The following ANKS1B variants were observed in gnomAD, a reference collection of about 807,000 sequenced individuals.
The protein encoded by ANKS1B is ankyrin repeat and sterile alpha motif domain-containing protein 1B.
Under a neutral mutation model 148.3 loss-of-function variants are expected in ANKS1B, and 36 were observed. The observed-to-expected ratio is 0.24, with a 90% confidence interval of 0.19 to 0.32. The LOEUF is 0.32. Among genes scored for constraint, ANKS1B ranks in the 10% least tolerant of loss-of-function variants. The pLI, the probability that ANKS1B is intolerant of heterozygous loss-of-function variation, is 1.00. For missense variants in ANKS1B, 1,157 were observed against 1,542.6 expected, an observed-to-expected ratio of 0.75 and a Z score of 4.19; for synonymous variants, 542 against 560.8, an observed-to-expected ratio of 0.97 and a Z score of 0.47.
At chr12:99,513,132 A>G (rs76383473) in intron 9 of ANKS1B, among the ~76,000 whole-genome samples, 4,444 of 152,062 alleles carry the variant, frequency 0.029, 95 homozygotes, top group South Asian at 0.088. Context: ...CATTCAAATC[A>G]AGGCAAGACC....
intron 9 of ANKS1B, among the ~76,000 whole-genome samples, chr12:99,526,902 G>A (rs2096932276): frequency 6.6e-6 from 1 of 152,142 alleles, no homozygotes; most frequent in Admixed American, 6.6e-5. Context: ...GGTTATTAGG[G>A]TGGACCCCAA....
intron 1 of ANKS1B, among the ~76,000 whole-genome samples, chr12:99,826,837 T>G (rs1013445269): frequency 6.6e-6 from 1 of 152,040 alleles, no homozygotes; most frequent in Non-Finnish European, 1.5e-5. Flanking sequence ...TATGCCAGGC[T>G]CAGTGACTCA....
At chr12:99,922,354 AT>A (rs1286092238) in intron 1 of ANKS1B, among the ~76,000 whole-genome samples, 1 of 152,164 alleles carries the variant, frequency 6.6e-6, no homozygotes, top group East Asian at 1.9e-4. Context: ...CAAAGGATAC[AT>A]ATTAAATTTT....
At chr12:98,968,378 T>A (rs1023824526) in intron 17 of ANKS1B, among the ~76,000 whole-genome samples, 9 of 152,122 alleles carry the variant, frequency 5.9e-5, no homozygotes, top group African/African-American at 2.2e-4. Flanking sequence ...GACTCAGGAA[T>A]CTGTGTCTTA....
intron 20 of ANKS1B, among the ~76,000 whole-genome samples, chr12:98,805,076 CAG>C (rs1188503346): frequency 1.3e-5 from 2 of 152,092 alleles, no homozygotes; most frequent in Admixed American, 6.6e-5. Context: ...ATTATTGACA[CAG>C]TGGTCTTTGA....
At chr12:99,668,488 A>T (rs2153463648) in intron 8 of ANKS1B, among the ~76,000 whole-genome samples, 1 of 152,026 alleles carries the variant, frequency 6.6e-6, no homozygotes, top group Admixed American at 6.5e-5. Context: ...TAAGAACTGA[A>T]TTCTATGAGA....
At chr12:99,631,038 C>A (rs557799409) in intron 9 of ANKS1B, among the ~76,000 whole-genome samples, 4 of 152,236 alleles carry the variant, frequency 2.6e-5, no homozygotes, top group Non-Finnish European at 4.4e-5. Flanking sequence ...TGCTCTCTTG[C>A]CTCATGTCTC....
At chr12:99,214,681 G>A (rs961283575) in intron 14 of ANKS1B, among the ~76,000 whole-genome samples, 1 of 152,302 alleles carries the variant, frequency 6.6e-6, no homozygotes, top group African/African-American at 2.4e-5. Context: ...GAGTAAACTG[G>A]TACCAGTAGA....
chr12:98,821,805 G>T (rs192696761), intron 19 of ANKS1B, among the ~76,000 whole-genome samples: 78 of 151,930 alleles, frequency 5.1e-4, no homozygotes, highest in African/African-American at 1.7e-3. Context: ...ATGGGGTTTT[G>T]CCATGTTGCC....
rs1284119590 is a variant in ANKS1B, at chr12:99,628,053, C to G, written c.1272+27014G>C. 2.0e-5 allele frequency among the ~76,000 whole-genome samples: 3 copies of G among 152,106 alleles called. No individual in the cohort carries two copies. In the South Asian group the frequency reaches 6.2e-4, roughly 32 times the overall value. ...GTATCAGCATCACTGAGTACACTTA[C>G]ACAAACCTAAATGGTACAGCCTACT... On this transcript the variant is annotated intron_variant, in intron 9 of 26. Transcript: ENST00000683438.
At chr12:98,811,516 C>A (rs936565135) in intron 19 of ANKS1B, among the ~76,000 whole-genome samples, 9 of 152,184 alleles carry the variant, frequency 5.9e-5, no homozygotes, top group Non-Finnish European at 1.3e-4. Context: ...GATACCAAGG[C>A]CAGTTTTCCC....
At chr12:98,970,628 C>T (rs1053405003) in intron 17 of ANKS1B, among the ~76,000 whole-genome samples, 8 of 152,310 alleles carry the variant, frequency 5.3e-5, no homozygotes, top group African/African-American at 1.9e-4. Context: ...CTATATGCTA[C>T]GTAGGGCAAA....
intron 12 of ANKS1B, among the ~76,000 whole-genome samples, chr12:99,278,711 C>T (rs957264600): frequency 2.0e-5 from 3 of 151,936 alleles, no homozygotes; most frequent in Non-Finnish European, 2.9e-5. Context: ...TATCTAACAA[C>T]CTAACTGGTA....
intron 26 of ANKS1B, 62 bp from the exon 27 acceptor site, chr12:98,745,911 G>A (rs1202346913): frequency 3.9e-6 from 6 of 1,551,536 alleles, no homozygotes; most frequent in Non-Finnish European, 3.5e-6. Context: ...GCATGCACGC[G>A]GACGCCGCTG....
chr12:99,288,954 A>G (rs2079524062), intron 12 of ANKS1B, among the ~76,000 whole-genome samples: 1 of 152,088 alleles, frequency 6.6e-6, no homozygotes, highest in Non-Finnish European at 1.5e-5. Flanking sequence ...ATCAAAAGAC[A>G]TAGAGTGGCT....
intron 17 of ANKS1B, among the ~76,000 whole-genome samples, chr12:98,833,551 G>A (rs987384754): frequency 4.7e-5 from 7 of 149,658 alleles, no homozygotes; most frequent in African/African-American, 9.9e-5. Context: ...TGGGGAGAGC[G>A]TTTCTTTGGC....
At chr12:99,647,985 T>C in intron 9 of ANKS1B, 1 of 715,774 alleles carries the variant, frequency 1.4e-6, no homozygotes, top group South Asian at 2.0e-5. Flanking sequence ...TGACTGTCTC[T>C]GGCATTGAGC....
At chr12:98,993,519 G>C (rs1446103343) in intron 17 of ANKS1B, among the ~76,000 whole-genome samples, 1 of 152,156 alleles carries the variant, frequency 6.6e-6, no homozygotes, top group Non-Finnish European at 1.5e-5. Context: ...CAAGCTGATA[G>C]CATTTGCTTT....
intron 1 of ANKS1B, among the ~76,000 whole-genome samples, chr12:99,957,028 C>G (rs1215534877): frequency 6.6e-6 from 1 of 152,316 alleles, no homozygotes; most frequent in South Asian, 2.1e-4. Flanking sequence ...TGAACCCAAG[C>G]TCTATCAGGT....
Sources: gnomAD v4.1 joint callset for allele counts (sites outside exome capture counted in the v4.1 genomes callset) on GRCh38, gnomAD v4.1.1 for gene constraint, MANE v1.5 for transcripts, NCBI Gene and HGNC (gene_info 2026-07-23, HGNC 2026-07-21) for gene names.